The following GOLPH3 variants were observed in gnomAD, a reference collection of about 807,000 sequenced individuals.
GOLPH3 encodes golgi phosphoprotein 3, also known as coat protein GPP34.
GOLPH3 carries 14 observed loss-of-function variants against 28.5 expected under a neutral mutation model. The observed-to-expected ratio is 0.49, with a 90% confidence interval of 0.32 to 0.77. The LOEUF is 0.77. Ranked by LOEUF, GOLPH3 falls within the 30% of genes least tolerant of loss-of-function variation. The probability of loss-of-function intolerance (pLI) is 0.03; values close to 1 mark genes in which losing one functional copy is unlikely to be tolerated. For missense variants in GOLPH3, 350 were observed against 393.7 expected (o/e 0.89, Z 0.94); for synonymous variants, 158 against 159.2 (o/e 0.99, Z 0.06).
chr5:32,165,528 A>G (rs1162574102), intron 1 of GOLPH3, among the ~76,000 whole-genome samples: 2 of 152,136 alleles, frequency 1.3e-5, no homozygotes, highest in Non-Finnish European at 2.9e-5. Flanking sequence ...GGTTGAAGTG[A>G]GCATAGATTG....
chr5:32,138,568 GA>G (rs963723768), intron 2 of GOLPH3, among the ~76,000 whole-genome samples: 8 of 151,358 alleles, frequency 5.3e-5, no homozygotes, highest in Non-Finnish European at 1.2e-4. Flanking sequence ...TATTTTAAAA[GA>G]AAAAAAGGCA....
rs1746919935 is a variant in GOLPH3, at chr5:32,174,107, C to T, written c.-73G>A. On this transcript the variant is annotated 5_prime_UTR_variant, in exon 1 of 4. Transcript: ENST00000265070. The stretch of plus-strand genomic sequence containing the variant: ...CCGGGTCGCCCTCCTCCTCCCCGCG[C>T]GGCCTCCGATCCGGGTTTCCGTGTT... The T allele has an allele frequency of 2.8e-6, 3 of 1,060,512 alleles. No individual in the cohort carries two copies. Among genetic ancestry groups the T allele is most frequent in the Admixed American group, 4.4e-5 (1 of 22,970 alleles). The allele number at this position is 1,060,512 out of a possible 1,614,324, so 65.7% of individuals were successfully genotyped here.
chr5:32,161,170 AGGAG>A (rs1174304149), intron 1 of GOLPH3, among the ~76,000 whole-genome samples: 2 of 150,442 alleles, frequency 1.3e-5, no homozygotes, highest in African/African-American at 5.0e-5. Flanking sequence ...TGGGAGGACG[AGGAG>A]GGAGGATCAC....
intron 1 of GOLPH3, among the ~76,000 whole-genome samples, chr5:32,169,791 A>T (rs751022218): frequency 1.3e-5 from 2 of 152,202 alleles, no homozygotes; most frequent in Admixed American, 6.5e-5. Flanking sequence ...TTAGGTGTAA[A>T]CTATCTGCCA....
At chr5:32,141,753 C>T (rs577396685) in intron 2 of GOLPH3, among the ~76,000 whole-genome samples, 115 of 152,284 alleles carry the variant, frequency 7.6e-4, no homozygotes, top group African/African-American at 2.6e-3. Context: ...AGGCGCGCGC[C>T]GCCACGCCTG....
At chr5:32,162,606 A>T in intron 1 of GOLPH3, among the ~76,000 whole-genome samples, 1 of 152,244 alleles carries the variant, frequency 6.6e-6, no homozygotes, top group Admixed American at 6.5e-5. Flanking sequence ...AAGAAATAGT[A>T]AAAATAATGG....
At chr5:32,141,933 TGGCG>T in intron 2 of GOLPH3, among the ~76,000 whole-genome samples, 1 of 151,844 alleles carries the variant, frequency 6.6e-6, no homozygotes, top group African/African-American at 2.4e-5. Context: ...TGGAGCGCAG[TGGCG>T]TGATCTCGGC....
intron 2 of GOLPH3, among the ~76,000 whole-genome samples, chr5:32,138,534 C>G (rs561318375): frequency 3.3e-5 from 5 of 151,942 alleles, no homozygotes; most frequent in African/African-American, 7.3e-5. Flanking sequence ...TATCCCTCCC[C>G]GCTCTTAAAT....
intron 1 of GOLPH3, among the ~76,000 whole-genome samples, chr5:32,169,901 T>C (rs1266345845): frequency 6.6e-6 from 1 of 151,812 alleles, no homozygotes; most frequent in African/African-American, 2.4e-5. Context: ...CATCCCTGTT[T>C]TATAAAAGCA....
chr5:32,148,042 C>CA (rs1270681761), intron 1 of GOLPH3, among the ~76,000 whole-genome samples: 1 of 152,170 alleles, frequency 6.6e-6, no homozygotes, highest in African/African-American at 2.4e-5. Context: ...ACTGCAAACT[C>CA]AGTTACTTAG....
intron 2 of GOLPH3, among the ~76,000 whole-genome samples, chr5:32,139,435 C>T (rs1746009169): frequency 6.6e-6 from 1 of 152,180 alleles, no homozygotes. Flanking sequence ...TTCTAGTCTG[C>T]CTAATCTGGC....
chr5:32,167,357 A>C (rs1273958119), intron 1 of GOLPH3, among the ~76,000 whole-genome samples: 1 of 152,082 alleles, frequency 6.6e-6, no homozygotes, highest in Non-Finnish European at 1.5e-5. Flanking sequence ...TTTTTAATAG[A>C]GACAGGGGTT....
chr5:32,126,675 T>C, intron 3 of GOLPH3, 39 bp from the exon 4 acceptor site: 1 of 1,544,030 alleles, frequency 6.5e-7, no homozygotes, highest in African/African-American at 1.4e-5. Context: ...TGATGAGTAT[T>C]ATCTGCTAAT....
chr5:32,167,347 T>C (rs1235769857), intron 1 of GOLPH3, among the ~76,000 whole-genome samples: 1 of 152,082 alleles, frequency 6.6e-6, no homozygotes, highest in East Asian at 1.9e-4. Context: ...AATTTTTATA[T>C]TTTTAATAGA....
At chr5:32,163,657 T>C (rs1324009006) in intron 1 of GOLPH3, among the ~76,000 whole-genome samples, 1 of 138,130 alleles carries the variant, frequency 7.2e-6, no homozygotes, top group Non-Finnish European at 1.5e-5. Flanking sequence ...GTCTCAAAAA[T>C]ATATACATAT....
Position 32,135,571 on chromosome 5 carries a change from C to A in GOLPH3, c.472+1G>T. On this transcript the variant is annotated splice_donor_variant, in intron 3 of 3. Transcript: ENST00000265070. LOFTEE classifies it high-confidence loss of function. Reference sequence around the variant, plus strand: ...TTTTTGGTTTATTCACAGCAGCTTACCACTAAGTAATTCAATCCAGTTCTG... The same window carrying A: ...TTTTTGGTTTATTCACAGCAGCTTAACACTAAGTAATTCAATCCAGTTCTG... 3 of 1,579,724 alleles carry A rather than the reference C, an allele frequency of 1.9e-6. No individual in the cohort carries two copies. Among genetic ancestry groups the A allele is most frequent in the Non-Finnish European group, 2.6e-6 (3 of 1,149,442 alleles).
intron 2 of GOLPH3, among the ~76,000 whole-genome samples, chr5:32,137,755 A>C (rs1159894301): frequency 2.6e-5 from 4 of 152,200 alleles, no homozygotes; most frequent in Non-Finnish European, 5.9e-5. Context: ...GCTGTAGACA[A>C]GTATTAGAAC....
rs70961608 is a variant in GOLPH3, at chr5:32,155,956, C to CAAAAAA, written c.226-12082_226-12077dup. ...GGGCAACAAGAGTGAAACACTGTCT[C>CAAAAAA]AAAAAAAAAAAAAAAAAAAAAAAAA... On this transcript the variant is annotated intron_variant, in intron 1 of 3. Transcript: ENST00000265070. Among the ~76,000 whole-genome samples, 50 of 47,816 alleles carry CAAAAAA rather than the reference C, an allele frequency of 1.0e-3. 1 individual carries two copies. Among genetic ancestry groups the CAAAAAA allele is most frequent in the Non-Finnish European group, 1.9e-3 (45 of 23,260 alleles). 31.4% of individuals were successfully genotyped at this position (47,816 alleles called of 152,430 possible).
intron 1 of GOLPH3, among the ~76,000 whole-genome samples, chr5:32,163,631 G>A (rs180810291): frequency 7.9e-5 from 12 of 152,072 alleles, no homozygotes; most frequent in East Asian, 1.9e-4. Context: ...CCAGTCTGGC[G>A]ACAGAGCATG....
Sources: gnomAD v4.1 joint callset for allele counts (sites outside exome capture counted in the v4.1 genomes callset) on GRCh38, gnomAD v4.1.1 for gene constraint, MANE v1.5 for transcripts, NCBI Gene and HGNC (gene_info 2026-07-23, HGNC 2026-07-21) for gene names.